The following SOX6 variants were observed in gnomAD, a reference collection of about 807,000 sequenced individuals.
The protein encoded by SOX6 is SRY-box transcription factor 6.
Under a neutral mutation model 97.8 loss-of-function variants are expected in SOX6, and 11 were observed. The observed-to-expected ratio is 0.11, with a 90% CI of 0.07 to 0.19. The LOEUF is 0.19. SOX6 is among the 10% of genes least tolerant of loss of function. The pLI is 1.00. For missense variants in SOX6, 810 were observed against 1,039.5 expected, an observed-to-expected ratio of 0.78 and a Z score of 3.04; for synonymous variants, 360 against 371.4, an observed-to-expected ratio of 0.97 and a Z score of 0.35.
intron 1 of SOX6, among the ~76,000 whole-genome samples, chr11:16,350,365 G>A (rs1856908300): frequency 6.6e-6 from 1 of 152,194 alleles, no homozygotes; most frequent in Non-Finnish European, 1.5e-5. Context: ...ATTTTGATTT[G>A]AGATAAACTT....
chr11:16,721,866 G>C (rs575821831), intron 2 of SOX6, among the ~76,000 whole-genome samples: 5 of 151,712 alleles, frequency 3.3e-5, no homozygotes, highest in South Asian at 2.1e-4. Context: ...GAACAGAATA[G>C]AGCCCAGAAA....
chr11:16,602,642 T>C (rs949168013), intron 4 of SOX6, among the ~76,000 whole-genome samples: 1 of 152,178 alleles, frequency 6.6e-6, no homozygotes, highest in African/African-American at 2.4e-5. Context: ...GTGAAATATT[T>C]CATCGGTTCA....
At chr11:16,507,043 A>G (rs1860799667) in intron 4 of SOX6, among the ~76,000 whole-genome samples, 1 of 152,100 alleles carries the variant, frequency 6.6e-6, no homozygotes, top group African/African-American at 2.4e-5. Context: ...CAGCCATGAT[A>G]ACGGAGAGAA....
rs557569337 is a variant in SOX6, at chr11:16,247,519, G to T, written c.446-12848C>A. Among the ~76,000 whole-genome samples the T allele has an allele frequency of 1.2e-3, 184 of 152,270 alleles. 1 individual carries two copies. The highest frequency in any genetic ancestry group is 4.3e-3 in the African/African-American group (180 of 41,570). On this transcript the variant is annotated intron_variant, in intron 3 of 15. Coordinates refer to ENST00000683767, the MANE Select transcript of SOX6 (RefSeq NM_001367873.1). ...TTCTGCAGGGCTGGGGAGGCCTCAG[G>T]AAATTTACAATCATGGCAGAAGGGA... is the stretch of plus-strand genomic sequence containing the variant.
chr11:16,443,873 C>T (rs1157395117), intron 1 of SOX6, among the ~76,000 whole-genome samples: 1 of 151,894 alleles, frequency 6.6e-6, no homozygotes, highest in African/African-American at 2.4e-5. Context: ...ATTAGCTTGG[C>T]GCGGTAGTGG....
chr11:15,996,358 G>T (rs193045050), intron 13 of SOX6, among the ~76,000 whole-genome samples: 11 of 152,276 alleles, frequency 7.2e-5, no homozygotes, highest in African/African-American at 2.6e-4. Context: ...GCCAGGCAAG[G>T]TAGCTTATGC....
chr11:16,084,528 C>T (rs999309897), intron 9 of SOX6, among the ~76,000 whole-genome samples: 32 of 152,152 alleles, frequency 2.1e-4, no homozygotes, highest in African/African-American at 7.2e-4. Flanking sequence ...TTAATCCTAA[C>T]CCCAACCCTA....
rs911528639 is a variant in SOX6, at chr11:16,170,450, G to A, written c.777+13436C>T. On this transcript the variant is annotated intron_variant, in intron 6 of 15. Transcript: ENST00000683767. Reference sequence around the variant, plus strand: ...AAACATAATGAGAATGTCCCCAGTCGGCATAAAAGAAGAAGCTTATCTTTT... The same window carrying A: ...AAACATAATGAGAATGTCCCCAGTCAGCATAAAAGAAGAAGCTTATCTTTT... 5.9e-5 allele frequency among the ~76,000 whole-genome samples: 9 copies of A among 151,284 alleles called. No individual in the cohort carries two copies. In the South Asian group the frequency reaches 1.0e-3, roughly 18 times the overall value.
intron 6 of SOX6, among the ~76,000 whole-genome samples, chr11:16,134,998 A>G (rs560562379): frequency 3.3e-5 from 5 of 152,318 alleles, no homozygotes; most frequent in Admixed American, 1.3e-4. Flanking sequence ...GTTGAAGCCA[A>G]TGCTCATTTA....
At chr11:16,359,269 C>T (rs1380931085), upstream of SOX6, among the ~76,000 whole-genome samples, 1 of 151,662 alleles carries the variant, frequency 6.6e-6, no homozygotes, top group Non-Finnish European at 1.5e-5. Flanking sequence ...GGTTACATTC[C>T]AAGAAGAGGA....
At chr11:16,678,655 C>T (rs987140091) in intron 3 of SOX6, among the ~76,000 whole-genome samples, 1 of 152,162 alleles carries the variant, frequency 6.6e-6, no homozygotes, top group East Asian at 1.9e-4. Flanking sequence ...GACATTGCCT[C>T]ATCTAGGAAG....
chr11:16,722,336 G>C (rs1439392297), intron 2 of SOX6, among the ~76,000 whole-genome samples: 1 of 152,082 alleles, frequency 6.6e-6, no homozygotes, highest in Admixed American at 6.6e-5. Flanking sequence ...ATTTACAAGA[G>C]AGAAATAAAC....
At chr11:16,363,884 A>G (rs2134381222) in intron 1 of SOX6, among the ~76,000 whole-genome samples, 1 of 152,194 alleles carries the variant, frequency 6.6e-6, no homozygotes, top group East Asian at 1.9e-4. Context: ...AAGCATGGAA[A>G]TTTGCCTGAA....
chr11:16,573,008 T>C (rs1442906483), intron 4 of SOX6, among the ~76,000 whole-genome samples: 1 of 152,204 alleles, frequency 6.6e-6, no homozygotes, highest in Non-Finnish European at 1.5e-5. Context: ...TTAATTCCAT[T>C]CTTTAAAATT....
Position 16,177,238 on chromosome 11 carries a change from C to T in SOX6, c.777+6648G>A, listed in dbSNP as rs528137818. 4.6e-5 allele frequency among the ~76,000 whole-genome samples: 7 copies of T among 151,922 alleles called. No individual in the cohort carries two copies. In the East Asian group the frequency reaches 1.4e-3, roughly 30 times the overall value. On this transcript the variant is annotated intron_variant, in intron 6 of 15. Coordinates refer to ENST00000683767, the MANE Select transcript of SOX6 (RefSeq NM_001367873.1). ...TCAACATGGATAGCTACCTATTCTC[C>T]CTCTATCCAGTGAATGAGAATCATG...
chr11:16,643,242 A>C (rs1057065508), intron 3 of SOX6, among the ~76,000 whole-genome samples: 2 of 152,238 alleles, frequency 1.3e-5, no homozygotes, highest in African/African-American at 4.8e-5. Flanking sequence ...ATTGGTGAAC[A>C]GCAAATGTTG....
intron 3 of SOX6, among the ~76,000 whole-genome samples, chr11:16,672,056 TA>T (rs1437163126): frequency 6.6e-6 from 1 of 152,240 alleles, no homozygotes. Context: ...CTAAGCTTCC[TA>T]AGTGAAGGAG....
At chr11:16,542,916 C>T (rs537467059) in intron 4 of SOX6, among the ~76,000 whole-genome samples, 53 of 152,072 alleles carry the variant, frequency 3.5e-4, no homozygotes, top group African/African-American at 1.2e-3. Flanking sequence ...TAAATGATTG[C>T]TAATATTTAT....
chr11:16,496,816 C>T (rs1157745591), intron 4 of SOX6, among the ~76,000 whole-genome samples: 1 of 152,184 alleles, frequency 6.6e-6, no homozygotes, highest in Non-Finnish European at 1.5e-5. Context: ...AACAAAGCCA[C>T]TGGGAAGCTC....
Sources: gnomAD v4.1 joint callset for allele counts (sites outside exome capture counted in the v4.1 genomes callset) on GRCh38, gnomAD v4.1.1 for gene constraint, MANE v1.5 for transcripts, NCBI Gene and HGNC (gene_info 2026-07-23, HGNC 2026-07-21) for gene names.